The following SCAPER variants were observed in gnomAD, a reference collection of about 807,000 sequenced individuals.
SCAPER encodes the protein S phase cyclin A-associated protein in the endoplasmic reticulum.
Under a neutral mutation model 182.2 loss-of-function variants are expected in SCAPER, and 98 were observed. The observed-to-expected ratio is 0.54, with a 90% CI of 0.46 to 0.64. The LOEUF (loss-of-function observed/expected upper bound fraction) is 0.64. Among genes scored for constraint, SCAPER ranks in the 30% least tolerant of loss-of-function variants. The pLI is 0.00. For missense variants in SCAPER, 1,432 were observed against 1,690.0 expected, an observed-to-expected ratio of 0.85 and a Z score of 2.68; for synonymous variants, 605 against 564.6, an observed-to-expected ratio of 1.07 and a Z score of -1.01.
chr15:76,434,331 G>A (rs1419898109), intron 25 of SCAPER, 21 bp from the exon 26 acceptor site: 3 of 1,537,878 alleles, frequency 2.0e-6, no homozygotes, highest in Admixed American at 1.9e-5. Context: ...AAAAAGTACA[G>A]TAAATATGTT....
intron 24 of SCAPER, among the ~76,000 whole-genome samples, chr15:76,474,965 AT>A (rs1318405667): frequency 6.6e-6 from 1 of 152,126 alleles, no homozygotes; most frequent in African/African-American, 2.4e-5. Flanking sequence ...CATCTAACAC[AT>A]TTATGACATA....
intron 5 of SCAPER, among the ~76,000 whole-genome samples, chr15:76,840,613 T>G (rs1009724082): frequency 6.6e-6 from 1 of 152,220 alleles, no homozygotes; most frequent in African/African-American, 2.4e-5. Flanking sequence ...TGTCTCAATA[T>G]GTAACTCTTC....
chr15:76,765,767 G>C (rs2063074482), intron 11 of SCAPER, 129 bp from the exon 12 acceptor site: 1 of 758,876 alleles, frequency 1.3e-6, no homozygotes, highest in Non-Finnish European at 2.2e-6. Flanking sequence ...TGAAAACCAG[G>C]AAAAAGGTAC....
intron 20 of SCAPER, among the ~76,000 whole-genome samples, chr15:76,680,898 A>G (rs1419970960): frequency 3.9e-5 from 6 of 152,214 alleles, no homozygotes; most frequent in Non-Finnish European, 5.9e-5. Context: ...GCAACACAAA[A>G]ACATACTAAG....
At chr15:76,387,181 G>A (rs964135259) in intron 27 of SCAPER, among the ~76,000 whole-genome samples, 2 of 152,212 alleles carry the variant, frequency 1.3e-5, no homozygotes, top group Non-Finnish European at 2.9e-5. Context: ...CTCTTTGCTT[G>A]AGTAACTGGA....
At chr15:76,361,422 C>T (rs537123931) in intron 29 of SCAPER, among the ~76,000 whole-genome samples, 104 of 152,242 alleles carry the variant, frequency 6.8e-4, no homozygotes, top group Non-Finnish European at 6.5e-4. Flanking sequence ...TTGCCTTCAC[C>T]GAGTGCCCAG....
At chr15:76,693,712 G>C (rs1319802968) in intron 20 of SCAPER, among the ~76,000 whole-genome samples, 2 of 152,068 alleles carry the variant, frequency 1.3e-5, no homozygotes, top group African/African-American at 4.8e-5. Flanking sequence ...AATGAATCTT[G>C]AGAACATTAC....
At position 76,815,821 on chromosome 15, in the gene SCAPER, C is replaced by T. The variant is rs965173854; in HGVS notation, c.394-11188G>A. ...TGAAACTACCCCTGCCACACCGACC[C>T]CAGTCCGTTGAAACATTGTCTTCCA... On this transcript the variant is annotated intron_variant, in intron 5 of 31. Coordinates refer to ENST00000563290, the MANE Select transcript of SCAPER (RefSeq NM_020843.4). 2.0e-5 allele frequency among the ~76,000 whole-genome samples: 3 copies of T among 152,146 alleles called. No homozygotes were observed. In the South Asian group the frequency reaches 6.2e-4, roughly 32 times the overall value.
At chr15:76,472,383 G>A in intron 24 of SCAPER, 1 of 709,672 alleles carries the variant, frequency 1.4e-6, no homozygotes, top group Non-Finnish European at 2.6e-6. Context: ...GTGCATTTTT[G>A]GTGACTGTGT....
chr15:76,817,885 A>T (rs1900989355), intron 5 of SCAPER, among the ~76,000 whole-genome samples: 1 of 152,232 alleles, frequency 6.6e-6, no homozygotes, highest in South Asian at 2.1e-4. Flanking sequence ...TCAAAATGTC[A>T]ATCAGTTCTT....
intron 23 of SCAPER, among the ~76,000 whole-genome samples, chr15:76,562,378 G>T (rs2046708932): frequency 1.3e-5 from 2 of 152,238 alleles, no homozygotes; most frequent in African/African-American, 4.8e-5. Flanking sequence ...AACAGGAGTA[G>T]ATATGTTTAA....
At chr15:76,363,665 A>C (rs1424765965) in intron 29 of SCAPER, among the ~76,000 whole-genome samples, 1 of 152,242 alleles carries the variant, frequency 6.6e-6, no homozygotes, top group East Asian at 1.9e-4. Flanking sequence ...TGTCAGAGAC[A>C]AGGTGTCCTT....
intron 23 of SCAPER, among the ~76,000 whole-genome samples, chr15:76,515,262 A>AG (rs1244586635): frequency 1.3e-5 from 2 of 152,188 alleles, no homozygotes; most frequent in Non-Finnish European, 2.9e-5. Flanking sequence ...GGACTAAGGA[A>AG]GGAAAGAGCA....
Position 76,738,541 on chromosome 15 carries a change from C to CAA in SCAPER, c.1867-5159_1867-5158dup, listed in dbSNP as rs71143360. Among the ~76,000 whole-genome samples, 569 of 143,968 alleles carry CAA rather than the reference C, an allele frequency of 4.0e-3. 7 individuals are homozygous for CAA. The highest frequency in any genetic ancestry group is 0.018 in the Middle Eastern group (5 of 272). 94.4% of individuals were successfully genotyped at this position (143,968 alleles called of 152,430 possible). A position where few individuals can be genotyped will look rare whatever the true frequency, so the allele number is the denominator to read the frequency against. On this transcript the variant is annotated intron_variant, in intron 15 of 31. Coordinates refer to ENST00000563290, the MANE Select transcript of SCAPER (RefSeq NM_020843.4). Reference sequence around the variant, plus strand: ...TAAGCAACAAAGCGAGACTCTGTCTCAAAAAAAAAAAAAGACTTAGGAGGA... The same window carrying CAA: ...TAAGCAACAAAGCGAGACTCTGTCTCAAAAAAAAAAAAAAAGACTTAGGAGGA...
chr15:76,772,839 T>C (rs1568085312), intron 9 of SCAPER, among the ~76,000 whole-genome samples: 2 of 151,858 alleles, frequency 1.3e-5, no homozygotes, highest in Non-Finnish European at 3.0e-5. Context: ...AAATCTAAAA[T>C]TATGAATTTA....
chr15:76,850,869 A>AG (rs1489518925), intron 4 of SCAPER, among the ~76,000 whole-genome samples: 11 of 150,494 alleles, frequency 7.3e-5, no homozygotes, highest in Admixed American at 1.3e-4. Flanking sequence ...CAAAAAAAAA[A>AG]AAAAAAAAGA....
chr15:76,845,172 C>G lies in SCAPER; in HGVS notation c.196-3241G>C, dbSNP rs144773923. Among the ~76,000 whole-genome samples the G allele has an allele frequency of 3.1e-3, 466 of 152,164 alleles. 8 individuals carry two copies. The East Asian group carries it at 0.035, about 11-fold the overall frequency. ...AAAAGTATTTAACAAAATTCAACAT[C>G]CCTTCATGATAAAAACCCTCAACTA... On this transcript the variant is annotated intron_variant, in intron 4 of 31. Transcript: ENST00000563290.
At chr15:76,642,907 C>T (rs2054216318) in intron 21 of SCAPER, among the ~76,000 whole-genome samples, 1 of 152,062 alleles carries the variant, frequency 6.6e-6, no homozygotes, top group Non-Finnish European at 1.5e-5. Flanking sequence ...TTAACACCAG[C>T]ACATATCCAA....
intron 15 of SCAPER, among the ~76,000 whole-genome samples, chr15:76,734,436 A>G (rs1174432116): frequency 6.6e-6 from 1 of 152,230 alleles, no homozygotes; most frequent in Non-Finnish European, 1.5e-5. Flanking sequence ...AACAAAACCT[A>G]CGTTAAGATA....
Sources: allele counts gnomAD v4.1 joint callset (sites outside exome capture counted in the v4.1 genomes callset), GRCh38; gene constraint gnomAD v4.1.1; transcripts MANE v1.5; gene names NCBI Gene and HGNC (gene_info 2026-07-23, HGNC 2026-07-21).